The following HTR2B variants were observed in gnomAD, a reference collection of about 807,000 sequenced individuals.
HTR2B encodes the protein 5-hydroxytryptamine receptor 2B, also known as 5-HT 2B receptor.
Under a neutral mutation model 39.8 loss-of-function variants are expected in HTR2B, and 31 were observed. The ratio of observed to expected loss-of-function variants is 0.78; its 90% CI spans 0.58 to 1.05. HTR2B has a LOEUF of 1.05. Among genes scored for constraint, HTR2B ranks in the 50% least tolerant of loss-of-function variants. The pLI is 0.00. For missense variants in HTR2B, 562 were observed against 578.0 expected, an observed-to-expected ratio of 0.97 and a Z score of 0.28; for synonymous variants, 210 against 207.1, an observed-to-expected ratio of 1.01 and a Z score of -0.12.
chr2:231,113,065 G>A (rs771357012), intron 3 of HTR2B, among the ~76,000 whole-genome samples: 3 of 152,144 alleles, frequency 2.0e-5, no homozygotes, highest in Non-Finnish European at 2.9e-5. Context: ...CTGGGAGGCT[G>A]AGGTGGGAGG....
intron 2 of HTR2B, among the ~76,000 whole-genome samples, chr2:231,119,333 A>G (rs1695450568): frequency 6.6e-6 from 1 of 152,110 alleles, no homozygotes; most frequent in Non-Finnish European, 1.5e-5. Flanking sequence ...TGCATGCAGT[A>G]CTCTACCAGT....
At chr2:231,111,846 G>T (rs1332155696) in intron 3 of HTR2B, among the ~76,000 whole-genome samples, 3 of 152,032 alleles carry the variant, frequency 2.0e-5, no homozygotes, top group Admixed American at 2.0e-4. Flanking sequence ...TTTTTCTCCT[G>T]CATCACTCAT....
chr2:231,122,966 T>C (rs1040224714), intron 2 of HTR2B, among the ~76,000 whole-genome samples: 2 of 152,178 alleles, frequency 1.3e-5, no homozygotes, highest in Admixed American at 6.5e-5. Context: ...AATTTTAAAC[T>C]GGGGTTTAGT....
intron 3 of HTR2B, among the ~76,000 whole-genome samples, chr2:231,112,287 TC>T (rs1397574824): frequency 6.6e-6 from 1 of 152,332 alleles, no homozygotes; most frequent in African/African-American, 2.4e-5. Context: ...ACCCATTGTC[TC>T]CCATTCCCTT....
chr2:231,111,808 T>C (rs1295476396), intron 3 of HTR2B, among the ~76,000 whole-genome samples: 12 of 152,246 alleles, frequency 7.9e-5, no homozygotes, highest in Non-Finnish European at 1.6e-4. Flanking sequence ...TTTCTAAATC[T>C]ATATATCATG....
intron 2 of HTR2B, among the ~76,000 whole-genome samples, chr2:231,119,224 A>G (rs1006701535): frequency 2.0e-5 from 3 of 152,158 alleles, no homozygotes; most frequent in Admixed American, 6.5e-5. Flanking sequence ...GTAGGCTAAC[A>G]TTTTACTGCA....
intron 2 of HTR2B, among the ~76,000 whole-genome samples, chr2:231,121,751 G>A (rs1312265278): frequency 6.6e-6 from 1 of 152,140 alleles, no homozygotes; most frequent in African/African-American, 2.4e-5. Flanking sequence ...TATAATAGAT[G>A]TTTGATATTT....
intron 3 of HTR2B, among the ~76,000 whole-genome samples, chr2:231,112,318 G>A (rs1035317619): frequency 6.6e-6 from 1 of 152,110 alleles, no homozygotes; most frequent in Non-Finnish European, 1.5e-5. Flanking sequence ...GCTTTTGGGG[G>A]GCTGGTTCTG....
intron 2 of HTR2B, among the ~76,000 whole-genome samples, chr2:231,119,825 A>C (rs942492095): frequency 7.0e-6 from 1 of 142,466 alleles, no homozygotes; most frequent in African/African-American, 2.7e-5. Flanking sequence ...AACTGAGATC[A>C]TGCCACTGCC....
Position 231,109,298 on chromosome 2 carries a change from G to A in HTR2B, c.665C>T (p.Ser222Leu). 6.2e-7 allele frequency: 1 copy of A among 1,614,130 alleles called. No homozygotes were observed. Among genetic ancestry groups the A allele is most frequent in the Non-Finnish European group, 8.5e-7 (1 of 1,180,000 alleles). ...ERFGDFMLFG[S>L]LAAFFTPLAI... is the part of the protein sequence containing the mutation. Reference sequence around the variant, plus strand: ...AAGAGGTGTGAAGAAGGCAGCCAGTGAGCCAAAGAGCATGAAATCGCCAAA... The same window carrying A: ...AAGAGGTGTGAAGAAGGCAGCCAGTAAGCCAAAGAGCATGAAATCGCCAAA... The change falls in exon 4 of 4, where the codon TCA becomes TTA. Residue 222 changes from serine to leucine, a missense_variant. Coordinates refer to ENST00000258400, the MANE Select transcript of HTR2B (RefSeq NM_000867.5).
chr2:231,118,841 A>G (rs1007228982), intron 2 of HTR2B, among the ~76,000 whole-genome samples: 5 of 152,316 alleles, frequency 3.3e-5, no homozygotes, highest in Middle Eastern at 3.4e-3. Flanking sequence ...GGCTGTTCCT[A>G]TAGTTTACAG....
At chr2:231,117,447 T>G (rs887682025) in intron 2 of HTR2B, among the ~76,000 whole-genome samples, 1 of 152,104 alleles carries the variant, frequency 6.6e-6, no homozygotes, top group Non-Finnish European at 1.5e-5. Context: ...TTAGACTCTT[T>G]CATTAAAATT....
rs755929910 is a variant in HTR2B, at chr2:231,123,396, C to G, written c.352+17G>C. 3.8e-6 allele frequency: 6 copies of G among 1,580,046 alleles called. No homozygotes were observed. Among genetic ancestry groups the G allele is most frequent in the Non-Finnish European group, 5.2e-6 (6 of 1,149,388 alleles). On this transcript the variant is annotated intron_variant, in intron 2 of 3. Transcript: ENST00000258400. The stretch of plus-strand genomic sequence containing the variant: ...TAGTTCTGTGGTTTGATGGCACAAA[C>G]AAAGTGAAATACTTACCAAACATTA...
chr2:231,113,071 G>A (rs1243489492), intron 3 of HTR2B, among the ~76,000 whole-genome samples: 1 of 152,108 alleles, frequency 6.6e-6, no homozygotes, highest in Admixed American at 6.6e-5. Context: ...GGCTGAGGTG[G>A]GAGGATCGCT....
Position 231,108,376 on chromosome 2 carries a change from A to T in HTR2B, c.*141T>A, listed in dbSNP as rs1695026811. The T allele has an allele frequency of 1.5e-6, 1 of 646,332 alleles. No homozygotes were observed. Among genetic ancestry groups the T allele is most frequent in the Non-Finnish European group, 2.6e-6 (1 of 379,814 alleles). 40.0% of individuals were successfully genotyped at this position (646,332 alleles called of 1,614,324 possible). ...ATCTTGTCCAAATTAGGAAAATTAGATATTCTTAATACTTACATCTTAGGT... is the reference window on the plus strand; with the variant it reads ...ATCTTGTCCAAATTAGGAAAATTAGTTATTCTTAATACTTACATCTTAGGT... On this transcript the variant is annotated 3_prime_UTR_variant, in exon 4 of 4. Transcript: ENST00000258400.
chr2:231,123,893 CT>C lies in HTR2B; in HGVS notation c.-130del. On this transcript the variant is annotated 5_prime_UTR_variant, in exon 2 of 4. The change abolishes the stop of an existing upstream ORF in the 5' untranslated region. Coordinates refer to ENST00000258400, the MANE Select transcript of HTR2B (RefSeq NM_000867.5). ...CTCAAAAGCCAAAGTTGACACCTTC[CT>C]TTAAAAAAAAAAATTCAAGTTCTCT... 1.4e-6 allele frequency: 1 copy of C among 735,882 alleles called. No homozygotes were observed. The highest frequency in any genetic ancestry group is 2.4e-6 in the Non-Finnish European group (1 of 416,414). 45.6% of individuals were successfully genotyped at this position (735,882 alleles called of 1,614,324 possible). A position where few individuals can be genotyped will look rare whatever the true frequency, so the allele number is the denominator to read the frequency against.
chr2:231,113,498 A>T (rs553370521), intron 3 of HTR2B, among the ~76,000 whole-genome samples: 13 of 152,374 alleles, frequency 8.5e-5, no homozygotes, highest in Middle Eastern at 3.4e-3. Flanking sequence ...AACACTGTGC[A>T]GATGGTTCTT....
Position 231,108,556 on chromosome 2 carries a change from A to G in HTR2B, c.1407T>C (p.Asn469=). Residue 469 remains asparagine, a synonymous_variant, in exon 4 of 4, where the codon AAT becomes AAC. Transcript: ENST00000258400. Reference sequence around the variant, plus strand: ...CTTGCTCTTCAGTTTTGTCACCTTCATTTTCAGTGAGGAGAAGCGTATCTA... The same window carrying G: ...CTTGCTCTTCAGTTTTGTCACCTTCGTTTTCAGTGAGGAGAAGCGTATCTA... The part of the protein sequence containing the change: ...ILLDTLLLTE[N]EGDKTEEQVS... The G allele has an allele frequency of 6.2e-7, 1 of 1,613,838 alleles. No individual in the cohort carries two copies. Among genetic ancestry groups the G allele is most frequent in the Non-Finnish European group, 8.5e-7 (1 of 1,179,956 alleles).
At chr2:231,110,991 C>G (rs1387874247) in intron 3 of HTR2B, among the ~76,000 whole-genome samples, 1 of 152,164 alleles carries the variant, frequency 6.6e-6, no homozygotes, top group Non-Finnish European at 1.5e-5. Flanking sequence ...AAAACACTTG[C>G]CTTTTGAAGT....
Sources: allele counts gnomAD v4.1 joint callset (sites outside exome capture counted in the v4.1 genomes callset), GRCh38; gene constraint gnomAD v4.1.1; transcripts MANE v1.5; gene names NCBI Gene and HGNC (gene_info 2026-07-23, HGNC 2026-07-21).